The following RTBDN variants were observed in gnomAD, a reference collection of about 807,000 sequenced individuals.
The protein encoded by RTBDN is retbindin.
In RTBDN, 24 loss-of-function variants were observed where a neutral mutation model predicts 21.9. That is an observed-to-expected ratio of 1.10 (90% confidence interval 0.79 to 1.54). RTBDN has a LOEUF of 1.54. Ranked by LOEUF, RTBDN falls within the 40% of genes most tolerant of loss-of-function variation. The probability of loss-of-function intolerance (pLI) is 0.00; values close to 1 mark genes in which losing one functional copy is unlikely to be tolerated. For missense variants in RTBDN, 325 were observed against 315.2 expected, an observed-to-expected ratio of 1.03 and a Z score of -0.23; for synonymous variants, 141 against 125.9, an observed-to-expected ratio of 1.12 and a Z score of -0.80.
At chr19:12,834,688 C>G, upstream of RTBDN, 1 of 1,550,658 alleles carries the variant, frequency 6.4e-7, no homozygotes, top group Non-Finnish European at 8.9e-7. The surrounding 1 kb of genome is among the most constrained non-coding windows in gnomAD (Gnocchi z 4.7). Flanking sequence ...GCTGCGCAGG[C>G]GCAGGAGCCG....
At position 12,828,707 on chromosome 19, in the gene RTBDN, T is replaced by C; in HGVS notation, c.315A>G (p.Leu105=). The part of the protein sequence containing the change: ...RALRSRFRLR[L]LGVRQAQPLC... Reference sequence around the variant, plus strand: ...GCGGCTGTGCCTGGCGTACCCCCAATAGCCGCAGGCGGAAGCGACTGCGAA... The same window carrying C: ...GCGGCTGTGCCTGGCGTACCCCCAACAGCCGCAGGCGGAAGCGACTGCGAA... Residue 105 remains leucine (L), a synonymous_variant, in exon 4 of 6, where the codon CTA becomes CTG. Transcript: ENST00000674343. 6.2e-7 allele frequency: 1 copy of C among 1,613,970 alleles called. No individual in the cohort carries two copies.
chr19:12,828,695 G>A lies in RTBDN; in HGVS notation c.327C>T (p.Arg109=). ...GCTCCTCGCAGAGCGGCTGTGCCTGGCGTACCCCCAATAGCCGCAGGCGGA... is the reference window on the plus strand; with the variant it reads ...GCTCCTCGCAGAGCGGCTGTGCCTGACGTACCCCCAATAGCCGCAGGCGGA... ...SRFRLRLLGV[R]QAQPLCEELC... is the part of the protein sequence containing the mutation. Residue 109 remains arginine (R), a synonymous_variant, in exon 4 of 6, where the codon CGC becomes CGT. Coordinates refer to ENST00000674343, the MANE Select transcript of RTBDN (RefSeq NM_001270441.2). The A allele has an allele frequency of 6.2e-7, 1 of 1,614,226 alleles. No homozygotes were observed. Among genetic ancestry groups the A allele is most frequent in the African/African-American group, 1.3e-5 (1 of 75,076 alleles).
rs144274351 is a variant in RTBDN at position 12,829,932 on chromosome 19, C to T, written c.48G>A (p.Leu16=). 5.1e-5 allele frequency: 82 copies of T among 1,614,044 alleles called. No individual in the cohort carries two copies. The highest frequency in any genetic ancestry group is 6.6e-5 in the Non-Finnish European group (78 of 1,179,998). ...HMRPIGLTWV[L]QLTLAWILLE... The stretch of plus-strand genomic sequence containing the variant: ...GCAGGATCCATGCCAAGGTCAGTTG[C>T]AGCACCCACGTCAGGCCGATGGGTC... Residue 16 remains leucine (L), a synonymous_variant, in exon 2 of 6, where the codon CTG becomes CTA. Coordinates refer to ENST00000674343, the MANE Select transcript of RTBDN (RefSeq NM_001270441.2).
In RTBDN at chr19:12,825,897, G is replaced by A; in HGVS notation, c.499C>T (p.Leu167=). Residue 167 remains leucine, a synonymous_variant, in exon 6 of 6, where the codon CTG becomes TTG. Transcript: ENST00000674343. ...GCAGCCACCGGTAGGGCGTGGCCCA[G>A]AGCCGAGCGACAAAGGTCCGTCCCG... ...ADGTDLCRSA[L]GHALPVAAPG... 6.2e-7 allele frequency: 1 copy of A among 1,609,616 alleles called. No homozygotes were observed.
At position 12,834,541 on chromosome 19, in the gene RTBDN, C is replaced by CA; in HGVS notation, c.-72dup. 1.3e-6 allele frequency: 2 copies of CA among 1,534,620 alleles called. No homozygotes were observed. The highest frequency in any genetic ancestry group is 1.7e-6 in the Non-Finnish European group (2 of 1,145,876). ...TGCCCTAATTGGACAGGCACCTAGA[C>CA]AGCTTTCTCACTCTTCATTCCACCT... On this transcript the variant is annotated 5_prime_UTR_variant, in exon 1 of 6. It removes the in-frame stop codon of an upstream open reading frame in the 5' UTR. Transcript: ENST00000674343. This position sits in a 1 kb window ranked among gnomAD's most constrained non-coding sequence, Gnocchi z 4.7.
At chr19:12,829,753 G>T in intron 2 of RTBDN, 58 bp downstream of exon 2, 2 of 1,543,368 alleles carry the variant, frequency 1.3e-6, no homozygotes, top group Non-Finnish European at 1.8e-6. Flanking sequence ...ACATTGTCAT[G>T]GCAGGGTAGG....
In RTBDN at chr19:12,828,740, T is replaced by C; in HGVS notation, c.282A>G (p.Gln94=). The C allele has an allele frequency of 2.5e-6, 4 of 1,614,206 alleles. No individual in the cohort carries two copies. The highest frequency in any genetic ancestry group is 1.7e-5 in the Admixed American group (1 of 60,024). Residue 94 remains glutamine (Q), a synonymous_variant, in exon 4 of 6, where the codon CAA becomes CAG. Coordinates refer to ENST00000674343, the MANE Select transcript of RTBDN (RefSeq NM_001270441.2). The part of the protein sequence containing the change: ...PECESFLEHL[Q]RALRSRFRLR... ...GGCGGAAGCGACTGCGAAGGGCACGTTGGAGGTGTTCCAGGAAGGATTCGC... is the reference window on the plus strand; with the variant it reads ...GGCGGAAGCGACTGCGAAGGGCACGCTGGAGGTGTTCCAGGAAGGATTCGC...
At chr19:12,827,525 G>A (rs914798326) in intron 4 of RTBDN, among the ~76,000 whole-genome samples, 2 of 151,768 alleles carry the variant, frequency 1.3e-5, no homozygotes, top group African/African-American at 2.4e-5. Context: ...GTTTCACCAC[G>A]TTGGCCAAGC....
chr19:12,835,025 CCA>C (rs1969707551), upstream of RTBDN: 1 of 1,598,256 alleles, frequency 6.3e-7, no homozygotes, highest in Non-Finnish European at 8.6e-7. Flanking sequence ...GAGAATGGGC[CCA>C]GACTCAGGCT....
chr19:12,830,469 C>A lies in RTBDN; in HGVS notation c.-18-472G>T, dbSNP rs886437617. ...GGCCCACAATCGGCTTAGGGGCCACCCAGAGCTGGACCTTTGGGACCAAGG... is the reference window on the plus strand; with the variant it reads ...GGCCCACAATCGGCTTAGGGGCCACACAGAGCTGGACCTTTGGGACCAAGG... On this transcript the variant is annotated intron_variant, in intron 1 of 5. Transcript: ENST00000674343. The surrounding 1 kb of genome is among the most constrained non-coding windows in gnomAD (Gnocchi z 4.2). 1.0e-6 allele frequency: 1 copy of A among 987,076 alleles called. No individual in the cohort carries two copies. The highest frequency in any genetic ancestry group is 6.0e-5 in the Admixed American group (1 of 16,532). 61.1% of individuals were successfully genotyped at this position (987,076 alleles called of 1,614,324 possible). A position where few individuals can be genotyped will look rare whatever the true frequency, so the allele number is the denominator to read the frequency against.
intron 1 of RTBDN, among the ~76,000 whole-genome samples, chr19:12,833,356 C>T (rs537251929): frequency 5.9e-5 from 9 of 151,902 alleles, no homozygotes; most frequent in South Asian, 2.1e-4. Context: ...ATCCTTTACA[C>T]GGGAATTGTT....
intron 5 of RTBDN, 109 bp from the exon 6 acceptor site, chr19:12,826,042 C>G (rs1403246468): frequency 1.4e-6 from 2 of 1,428,968 alleles, no homozygotes; most frequent in Admixed American, 3.0e-5. Flanking sequence ...GGGTCAGAGC[C>G]GGAGCGTGCG....
At chr19:12,829,615 A>G (rs1969476367) in intron 2 of RTBDN, among the ~76,000 whole-genome samples, 196 bp downstream of exon 2, 1 of 152,286 alleles carries the variant, frequency 6.6e-6, no homozygotes, top group Non-Finnish European at 1.5e-5. Context: ...CCTCAGGATC[A>G]CACAGCTACA....
In RTBDN at chr19:12,830,640, G is replaced by A. The variant is rs1217275595; in HGVS notation, c.-18-643C>T. ...TTGGCTGGATTGGGGTCTAGAGGCC[G>A]CTAAGACACCTCAGGATCCAGTCCA... On this transcript the variant is annotated intron_variant, in intron 1 of 5. Coordinates refer to ENST00000674343, the MANE Select transcript of RTBDN (RefSeq NM_001270441.2). This position sits in a 1 kb window ranked among gnomAD's most constrained non-coding sequence, Gnocchi z 4.2. 6 of 985,576 alleles carry A rather than the reference G, an allele frequency of 6.1e-6. No individual in the cohort carries two copies. Among genetic ancestry groups the A allele is most frequent in the Non-Finnish European group, 7.2e-6 (6 of 830,078 alleles). 61.1% of individuals were successfully genotyped at this position (985,576 alleles called of 1,614,324 possible).
At position 12,828,862 on chromosome 19, in the gene RTBDN, TACTC is replaced by T. The variant is rs1376620036; in HGVS notation, c.254+3_254+6del. 12 of 1,614,074 alleles carry T rather than the reference TACTC, an allele frequency of 7.4e-6. No individual in the cohort carries two copies. The highest frequency in any genetic ancestry group is 1.0e-5 in the Non-Finnish European group (12 of 1,180,034). On this transcript the variant is annotated splice_donor_5th_base_variant and intron_variant, in intron 3 of 5. Transcript: ENST00000674343. ...CGCGAGAAAACGGTGGAGGGTGCTG[TACTC>T]ACTCAGGGCTCGGCACTCCACAGCG... is the stretch of plus-strand genomic sequence containing the variant.
chr19:12,833,797 C>T (rs1599567777), intron 1 of RTBDN, among the ~76,000 whole-genome samples: 3 of 144,080 alleles, frequency 2.1e-5, no homozygotes, highest in African/African-American at 7.7e-5. Context: ...GCAGTGACGG[C>T]GCCGGGCCCG....
Position 12,828,712 on chromosome 19 carries a change from G to A in RTBDN, c.310C>T (p.Arg104Trp), listed in dbSNP as rs371681511. The A allele has an allele frequency of 5.0e-6, 8 of 1,614,234 alleles. No homozygotes were observed. Among genetic ancestry groups the A allele is most frequent in the Non-Finnish European group, 5.9e-6 (7 of 1,180,042 alleles). ...QRALRSRFRL[R>W]LLGVRQAQPL... ...TGTGCCTGGCGTACCCCCAATAGCCGCAGGCGGAAGCGACTGCGAAGGGCA... is the reference window on the plus strand; with the variant it reads ...TGTGCCTGGCGTACCCCCAATAGCCACAGGCGGAAGCGACTGCGAAGGGCA... Residue 104 changes from arginine to tryptophan, a missense_variant, in exon 4 of 6, where the codon CGG becomes TGG. By Grantham distance (101) the Arg-to-Trp change is moderately radical. Coordinates refer to ENST00000674343, the MANE Select transcript of RTBDN (RefSeq NM_001270441.2).
At chr19:12,829,116 G>C in intron 2 of RTBDN, 163 bp from the exon 3 acceptor site, 1 of 1,142,434 alleles carries the variant, frequency 8.8e-7, no homozygotes, top group Non-Finnish European at 1.2e-6. Flanking sequence ...GCTTCAAGTA[G>C]TAATAATCAT....
Position 12,825,707 on chromosome 19 carries a change from T to G in RTBDN, c.689A>C (p.Ter230SerextTer69). 1.3e-6 allele frequency: 2 copies of G among 1,566,244 alleles called. No homozygotes were observed. The highest frequency in any genetic ancestry group is 1.7e-6 in the Non-Finnish European group (2 of 1,157,168). The part of the protein sequence containing the change: ...GSGSGSGSGP[*>S] ...CCCCAACTCAGGGCCACGCGTCCGCTAGGGGCCGCTGCCGCTTCCACTGCC... is the reference window on the plus strand; with the variant it reads ...CCCCAACTCAGGGCCACGCGTCCGCGAGGGGCCGCTGCCGCTTCCACTGCC... Residue 230 changes from the stop codon to serine, a stop_lost, in exon 6 of 6, where the codon TAG (stop) becomes TCG (serine). Transcript: ENST00000674343.
Sources: allele counts gnomAD v4.1 joint callset (sites outside exome capture counted in the v4.1 genomes callset), GRCh38; gene constraint gnomAD v4.1.1; non-coding constraint Gnocchi (gnomAD v3.1); transcripts MANE v1.5; gene names NCBI Gene and HGNC (gene_info 2026-07-23, HGNC 2026-07-21).